PPA2: variants seen among roughly 807,000 people sequenced by gnomAD.
The protein encoded by PPA2 is inorganic pyrophosphatase 2.
PPA2 carries 48 observed loss-of-function variants against 49.5 expected under a neutral mutation model. The ratio of observed to expected loss-of-function variants is 0.97; its 90% CI spans 0.77 to 1.23. PPA2 has a LOEUF of 1.23. PPA2 is among the 50% of genes most tolerant of loss of function. PPA2 has a pLI of 0.00. For synonymous variants in PPA2, 131 were observed against 139.9 expected (o/e 0.94, Z 0.45); for missense variants, 429 against 410.1 (o/e 1.05, Z -0.40).
intron 1 of PPA2, among the ~76,000 whole-genome samples, chr4:105,463,319 G>A (rs1441465095): frequency 6.6e-6 from 1 of 152,126 alleles, no homozygotes; most frequent in Non-Finnish European, 1.5e-5. Flanking sequence ...AGAGATCTGT[G>A]GAACTTTGAA....
At chr4:105,456,548 C>A (rs140985187) in intron 2 of PPA2, 133 bp downstream of exon 2, 6 of 665,816 alleles carry the variant, frequency 9.0e-6, no homozygotes, top group African/African-American at 1.8e-5. Flanking sequence ...AGGCTTATGA[C>A]CCTGTTATAG....
chr4:105,443,639 ACTCT>A (rs35353072), intron 5 of PPA2, among the ~76,000 whole-genome samples: 16,326 of 140,190 alleles, frequency 0.12, 1,390 homozygotes, highest in East Asian at 0.44. Context: ...ACACACACAG[ACTCT>A]CTCTCTCTTT....
At chr4:105,421,175 ATAG>A (rs752902464) in intron 7 of PPA2, among the ~76,000 whole-genome samples, 13 of 152,212 alleles carry the variant, frequency 8.5e-5, no homozygotes, top group South Asian at 4.1e-4. Flanking sequence ...TATTAGGGTA[ATAG>A]TAGAAATATG....
intron 9 of PPA2, among the ~76,000 whole-genome samples, chr4:105,393,321 C>G (rs1428356705): frequency 6.6e-6 from 1 of 151,626 alleles, no homozygotes; most frequent in African/African-American, 2.4e-5. Flanking sequence ...TAGCGAGACC[C>G]TGTCCATTCA....
At chr4:105,400,732 G>A (rs923590) in intron 7 of PPA2, among the ~76,000 whole-genome samples, 99,863 of 151,936 alleles carry the variant, frequency 0.66, 32,923 homozygotes, top group East Asian at 0.71. Flanking sequence ...TATAACTTTT[G>A]TATGATTTTT....
At chr4:105,399,788 T>G (rs568576950) in intron 7 of PPA2, among the ~76,000 whole-genome samples, 16 of 152,332 alleles carry the variant, frequency 1.1e-4, no homozygotes, top group African/African-American at 3.1e-4. Flanking sequence ...TCTCCCTTTA[T>G]CCACGGTTTT....
intron 7 of PPA2, among the ~76,000 whole-genome samples, chr4:105,416,036 G>A (rs1431954601): frequency 6.6e-6 from 1 of 152,084 alleles, no homozygotes; most frequent in Non-Finnish European, 1.5e-5. Flanking sequence ...CTACATCCAG[G>A]ACTAGAATGT....
intron 7 of PPA2, among the ~76,000 whole-genome samples, chr4:105,402,171 C>T (rs1184912878): frequency 1.3e-5 from 2 of 151,914 alleles, no homozygotes; most frequent in Non-Finnish European, 2.9e-5. Context: ...ACTTGGGAAG[C>T]TGAGGTGGGA....
rs78201873 is a variant in PPA2, at chr4:105,386,411, T to C, written c.939+156A>G. ...AAGGTTTTAAAATTCTTAATTTAAA[T>C]TCCTTGAATTACAGAAATAGATTTC... On this transcript the variant is annotated intron_variant, in intron 10 of 11. Transcript: ENST00000341695. 0.04 allele frequency among the ~76,000 whole-genome samples: 6,032 copies of C among 152,332 alleles called. 149 individuals carry two copies. The highest frequency in any genetic ancestry group is 0.07 in the African/African-American group (2,900 of 41,576).
intron 6 of PPA2, among the ~76,000 whole-genome samples, 200 bp downstream of exon 6, chr4:105,437,750 C>T (rs1724131844): frequency 6.6e-6 from 1 of 152,130 alleles, no homozygotes; most frequent in African/African-American, 2.4e-5. Context: ...AGGTGTTAGG[C>T]TGGCTTTGAC....
At chr4:105,468,180 G>C (rs13129703) in intron 1 of PPA2, among the ~76,000 whole-genome samples, 83,601 of 152,116 alleles carry the variant, frequency 0.55, 25,792 homozygotes, top group Non-Finnish European at 0.7. Context: ...AGTTGTGACA[G>C]AGACTGAATG....
At chr4:105,415,954 A>G (rs1722986911) in intron 7 of PPA2, among the ~76,000 whole-genome samples, 1 of 152,242 alleles carries the variant, frequency 6.6e-6, no homozygotes, top group African/African-American at 2.4e-5. Context: ...GGCAAATATC[A>G]AAGTTAATTA....
intron 1 of PPA2, among the ~76,000 whole-genome samples, chr4:105,473,025 C>A (rs1196626177): frequency 6.6e-6 from 1 of 152,182 alleles, no homozygotes; most frequent in African/African-American, 2.4e-5. Flanking sequence ...AGAGCCAGTG[C>A]TCCGAAAAGG....
At chr4:105,434,959 A>C (rs970660190) in intron 6 of PPA2, among the ~76,000 whole-genome samples, 2 of 152,244 alleles carry the variant, frequency 1.3e-5, no homozygotes, top group Admixed American at 6.5e-5. Context: ...TTCAATCTAA[A>C]TCAATTCAAC....
At chr4:105,421,887 C>CA (rs1397672883) in intron 7 of PPA2, among the ~76,000 whole-genome samples, 2 of 151,898 alleles carry the variant, frequency 1.3e-5, no homozygotes, top group Non-Finnish European at 2.9e-5. Context: ...TTCTAAAATA[C>CA]AAAAAATTAG....
chr4:105,439,920 T>G (rs1724266892), intron 5 of PPA2, among the ~76,000 whole-genome samples: 1 of 142,264 alleles, frequency 7.0e-6, no homozygotes. Context: ...TACCTATGAG[T>G]GAGAACATGT....
intron 1 of PPA2, among the ~76,000 whole-genome samples, chr4:105,460,219 T>A (rs1723028303): frequency 6.6e-6 from 1 of 151,966 alleles, no homozygotes; most frequent in Non-Finnish European, 1.5e-5. Flanking sequence ...AATAAAACAA[T>A]ACAGTATAAC....
At chr4:105,371,022 T>C in intron 10 of PPA2, 149 bp from the exon 11 acceptor site, 1 of 665,446 alleles carries the variant, frequency 1.5e-6, no homozygotes, top group Non-Finnish European at 2.1e-6. Flanking sequence ...CCTTTGCTTT[T>C]CATTATCATT....
chr4:105,433,053 G>C (rs975179729), intron 6 of PPA2, among the ~76,000 whole-genome samples: 1 of 152,164 alleles, frequency 6.6e-6, no homozygotes, highest in African/African-American at 2.4e-5. Flanking sequence ...TTATAGACTA[G>C]TACTTTACTA....
Sources: allele counts gnomAD v4.1 joint callset (sites outside exome capture counted in the v4.1 genomes callset), GRCh38; gene constraint gnomAD v4.1.1; transcripts MANE v1.5; gene names NCBI Gene and HGNC (gene_info 2026-07-23, HGNC 2026-07-21).